SOX6: variants seen among roughly 807,000 people sequenced by gnomAD.
SOX6 encodes the protein SRY-box transcription factor 6.
In SOX6, 11 loss-of-function variants were observed where a neutral mutation model predicts 97.8. The observed-to-expected ratio is 0.11, with a 90% CI of 0.07 to 0.19. The LOEUF (loss-of-function observed/expected upper bound fraction) is 0.19, where lower values mean the gene tolerates loss of function less well. Ranked by LOEUF, SOX6 falls within the 10% of genes least tolerant of loss-of-function variation. The pLI, the probability that SOX6 is intolerant of heterozygous loss-of-function variation, is 1.00. For synonymous variants in SOX6, 360 were observed against 371.4 expected (o/e 0.97, Z 0.35); for missense variants, 810 against 1,039.5 (o/e 0.78, Z 3.04).
At chr11:16,655,090 G>A (rs1446843427) in intron 3 of SOX6, among the ~76,000 whole-genome samples, 14 of 152,200 alleles carry the variant, frequency 9.2e-5, no homozygotes, top group African/African-American at 2.4e-4. Flanking sequence ...GGAATTGAGT[G>A]AAGGGAGAAT....
At chr11:16,095,938 A>T in intron 9 of SOX6, 58 bp downstream of exon 9, 2 of 1,541,932 alleles carry the variant, frequency 1.3e-6, no homozygotes. Context: ...AAAAGCCTAG[A>T]GTATGACTGA....
chr11:16,388,988 C>T (rs1236355520), intron 1 of SOX6, among the ~76,000 whole-genome samples: 1 of 152,102 alleles, frequency 6.6e-6, no homozygotes, highest in Non-Finnish European at 1.5e-5. Flanking sequence ...TTTTCTGGGA[C>T]TCATGTATGT....
chr11:16,513,682 A>C (rs1374256150), intron 4 of SOX6, among the ~76,000 whole-genome samples: 1 of 152,156 alleles, frequency 6.6e-6, no homozygotes, highest in Non-Finnish European at 1.5e-5. Context: ...TAAGGGGAAG[A>C]ATCATCTCCG....
chr11:16,737,989 C>G (rs1848406979), intron 1 of SOX6, among the ~76,000 whole-genome samples: 1 of 151,944 alleles, frequency 6.6e-6, no homozygotes, highest in Non-Finnish European at 1.5e-5. Flanking sequence ...GCCCAGACAT[C>G]CACAGCGAGG....
chr11:16,702,739 G>A (rs1343287919), intron 3 of SOX6, among the ~76,000 whole-genome samples: 1 of 151,928 alleles, frequency 6.6e-6, no homozygotes, highest in Non-Finnish European at 1.5e-5. Context: ...TTCTTTTCCT[G>A]AGTCCCAAAT....
chr11:16,204,234 T>C lies in SOX6; in HGVS notation c.536-17279A>G, dbSNP rs1263339920. ...AATTTAAACTCTAACTTAAAACCTA[T>C]TTCCCTTTCCACTTCAAAACATCCA... On this transcript the variant is annotated intron_variant, in intron 4 of 15. Coordinates refer to ENST00000683767, the MANE Select transcript of SOX6 (RefSeq NM_001367873.1). 2.0e-5 allele frequency among the ~76,000 whole-genome samples: 3 copies of C among 152,260 alleles called. No individual in the cohort carries two copies. In the East Asian group the frequency reaches 5.8e-4, roughly 29 times the overall value.
chr11:16,060,218 T>C (rs1295945665), intron 9 of SOX6, among the ~76,000 whole-genome samples: 4 of 151,970 alleles, frequency 2.6e-5, no homozygotes, highest in African/African-American at 9.7e-5. Context: ...ATAATACAAT[T>C]ACTTTTCAGG....
intron 3 of SOX6, among the ~76,000 whole-genome samples, chr11:16,660,048 A>G (rs970889598): frequency 6.6e-6 from 1 of 151,932 alleles, no homozygotes; most frequent in Non-Finnish European, 1.5e-5. Flanking sequence ...TATCAATTTT[A>G]TTAATCTTTT....
intron 4 of SOX6, among the ~76,000 whole-genome samples, chr11:16,498,434 A>T (rs200636029): frequency 0.17 from 25,493 of 150,970 alleles, 2,216 homozygotes; most frequent in African/African-American, 0.19. Context: ...CATCATAAGG[A>T]AAGGATCAAA....
At chr11:16,573,563 G>A (rs1393707121) in intron 4 of SOX6, among the ~76,000 whole-genome samples, 1 of 152,112 alleles carries the variant, frequency 6.6e-6, no homozygotes, top group Non-Finnish European at 1.5e-5. Context: ...ATATATATAT[G>A]TGTTACCAAA....
chr11:16,422,988 T>A (rs1046333960), intron 1 of SOX6, among the ~76,000 whole-genome samples: 2 of 152,186 alleles, frequency 1.3e-5, no homozygotes, highest in African/African-American at 2.4e-5. Context: ...AGATTATTTT[T>A]AAATGTAAAT....
intron 1 of SOX6, among the ~76,000 whole-genome samples, chr11:16,397,050 A>G (rs1858380342): frequency 6.6e-6 from 1 of 151,462 alleles, no homozygotes; most frequent in Non-Finnish European, 1.5e-5. Context: ...TGAATATTTT[A>G]CTTTAAATTA....
At chr11:16,058,886 A>G (rs1160435170) in intron 9 of SOX6, among the ~76,000 whole-genome samples, 1 of 152,074 alleles carries the variant, frequency 6.6e-6, no homozygotes, top group African/African-American at 2.4e-5. Flanking sequence ...CAGGGATGGT[A>G]GTTACCAGGT....
chr11:16,733,466 C>T (rs1230480530), intron 2 of SOX6, among the ~76,000 whole-genome samples: 1 of 151,774 alleles, frequency 6.6e-6, no homozygotes, highest in Non-Finnish European at 1.5e-5. Flanking sequence ...TCTCAGCAAA[C>T]CATCACAAGA....
chr11:16,701,968 A>C (rs1003219804), intron 3 of SOX6, among the ~76,000 whole-genome samples: 2 of 152,184 alleles, frequency 1.3e-5, no homozygotes, highest in Non-Finnish European at 2.9e-5. Context: ...AAGATGAAAT[A>C]ACACATTTGG....
intron 12 of SOX6, among the ~76,000 whole-genome samples, chr11:16,034,076 A>G (rs529991862): frequency 1.3e-5 from 2 of 152,290 alleles, no homozygotes; most frequent in African/African-American, 4.8e-5. Flanking sequence ...CATTTTACAG[A>G]TAAGAAAATG....
chr11:16,627,125 C>T (rs1356606175), intron 3 of SOX6, among the ~76,000 whole-genome samples: 1 of 152,216 alleles, frequency 6.6e-6, no homozygotes, highest in Non-Finnish European at 1.5e-5. Flanking sequence ...CCTCCAGCTA[C>T]ATCCATGTTG....
chr11:16,511,774 C>A (rs971683098), intron 4 of SOX6, among the ~76,000 whole-genome samples: 5 of 152,098 alleles, frequency 3.3e-5, no homozygotes, highest in African/African-American at 9.7e-5. Context: ...AGGAGCTAGC[C>A]AAGTTGCAAA....
At chr11:16,002,735 T>C (rs1249639943) in intron 13 of SOX6, among the ~76,000 whole-genome samples, 3 of 152,150 alleles carry the variant, frequency 2.0e-5, no homozygotes, top group Non-Finnish European at 2.9e-5. Context: ...TGGAGAATAA[T>C]GAGGCTGGTA....
Sources: gnomAD v4.1 joint callset for allele counts (sites outside exome capture counted in the v4.1 genomes callset) on GRCh38, gnomAD v4.1.1 for gene constraint, MANE v1.5 for transcripts, NCBI Gene and HGNC (gene_info 2026-07-23, HGNC 2026-07-21) for gene names.